Variants in THRB observed in about 807,000 individuals in gnomAD.
The protein encoded by THRB is thyroid hormone receptor beta.
In THRB, 12 loss-of-function variants were observed where a neutral mutation model predicts 47.8. That is an observed-to-expected ratio of 0.25 (90% CI 0.16 to 0.41). THRB has a LOEUF of 0.41. THRB is among the 10% of genes least tolerant of loss of function. The probability of loss-of-function intolerance (pLI) is 1.00; values close to 1 mark genes in which losing one functional copy is unlikely to be tolerated. For synonymous variants in THRB, 218 were observed against 212.2 expected (o/e 1.03, Z -0.24); for missense variants, 348 against 589.2 (o/e 0.59, Z 4.24).
chr3:24,173,886 C>T (rs141497169), intron 5 of THRB, among the ~76,000 whole-genome samples: 23 of 152,302 alleles, frequency 1.5e-4, no homozygotes, highest in African/African-American at 5.3e-4. Flanking sequence ...CTACCAAACC[C>T]CTTTCTGTGG....
At chr3:24,272,542 AC>A (rs1373079425) in intron 3 of THRB, among the ~76,000 whole-genome samples, 3 of 152,060 alleles carry the variant, frequency 2.0e-5, no homozygotes, top group Non-Finnish European at 4.4e-5. Context: ...TGTTCCCCTC[AC>A]TTAAAGGATA....
chr3:24,330,832 C>T (rs142195893), intron 2 of THRB, among the ~76,000 whole-genome samples: 2 of 152,246 alleles, frequency 1.3e-5, no homozygotes, highest in East Asian at 3.9e-4. Flanking sequence ...AATAAGAAAA[C>T]CAAGTTATAC....
chr3:24,351,361 TCA>T (rs1057363277), intron 1 of THRB, among the ~76,000 whole-genome samples: 23 of 152,246 alleles, frequency 1.5e-4, no homozygotes, highest in African/African-American at 5.3e-4. Context: ...GTTCTTGCCT[TCA>T]CATCCTAATC....
intron 4 of THRB, among the ~76,000 whole-genome samples, chr3:24,214,989 C>A (rs1412246728): frequency 6.6e-6 from 1 of 152,178 alleles, no homozygotes; most frequent in Non-Finnish European, 1.5e-5. Flanking sequence ...ACAATGGAAA[C>A]ATTTGAAACG....
intron 1 of THRB, among the ~76,000 whole-genome samples, chr3:24,467,807 T>C (rs1235511112): frequency 6.6e-6 from 1 of 152,174 alleles, no homozygotes; most frequent in Non-Finnish European, 1.5e-5. Flanking sequence ...CCCTCAGGTA[T>C]TCATAATGGC....
intron 3 of THRB, among the ~76,000 whole-genome samples, chr3:24,271,576 T>G (rs1027101966): frequency 3.3e-5 from 5 of 152,104 alleles, no homozygotes; most frequent in Non-Finnish European, 7.4e-5. Context: ...TGTTAGAGGT[T>G]CTCATTAGAA....
intron 1 of THRB, among the ~76,000 whole-genome samples, chr3:24,454,469 A>C (rs1016809732): frequency 6.6e-6 from 1 of 152,204 alleles, no homozygotes; most frequent in Non-Finnish European, 1.5e-5. Flanking sequence ...TATACTAAAA[A>C]TCACTCAATT....
intron 1 of THRB, among the ~76,000 whole-genome samples, chr3:24,443,001 G>T (rs2071700557): frequency 6.6e-6 from 1 of 151,870 alleles, no homozygotes; most frequent in Admixed American, 6.6e-5. Context: ...GCCAACAATG[G>T]TGAAACTCCG....
chr3:24,147,246 G>GA (rs1170968938), intron 6 of THRB, among the ~76,000 whole-genome samples: 7 of 151,940 alleles, frequency 4.6e-5, no homozygotes, highest in African/African-American at 1.7e-4. Flanking sequence ...AGAAGAAAGT[G>GA]AAAAAAATGA....
At chr3:24,478,340 A>G (rs12488078) in intron 1 of THRB, among the ~76,000 whole-genome samples, 7,379 of 152,298 alleles carry the variant, frequency 0.048, 261 homozygotes, top group South Asian at 0.09. Context: ...ACCCAAGCAT[A>G]CCTCTGGCAC....
At chr3:24,277,615 GT>G (rs1208904085) in intron 3 of THRB, among the ~76,000 whole-genome samples, 1 of 152,090 alleles carries the variant, frequency 6.6e-6, no homozygotes, top group African/African-American at 2.4e-5. Context: ...ATTTATGTGA[GT>G]TTTTTCATCT....
intron 1 of THRB, among the ~76,000 whole-genome samples, chr3:24,391,484 G>C (rs1053484325): frequency 6.6e-6 from 1 of 152,014 alleles, no homozygotes; most frequent in African/African-American, 2.4e-5. Flanking sequence ...TTTGAAACTA[G>C]AATCTTCATG....
At chr3:24,184,756 T>C (rs918746965) in intron 5 of THRB, among the ~76,000 whole-genome samples, 1 of 152,174 alleles carries the variant, frequency 6.6e-6, no homozygotes, top group Non-Finnish European at 1.5e-5. Flanking sequence ...CAGTTGGGAC[T>C]GCAGATCCTG....
At chr3:24,352,129 A>G (rs3951794) in intron 1 of THRB, among the ~76,000 whole-genome samples, 104,432 of 152,030 alleles carry the variant, frequency 0.69, 37,169 homozygotes, top group African/African-American at 0.87. Flanking sequence ...GTCAACAGAA[A>G]AGCTAGCAAA....
chr3:24,237,089 A>G (rs537705242), intron 3 of THRB, among the ~76,000 whole-genome samples: 35 of 152,314 alleles, frequency 2.3e-4, no homozygotes, highest in African/African-American at 8.4e-4. Flanking sequence ...CTAAAGAGGA[A>G]CATAAAACTC....
rs535285141 is a variant in THRB, at chr3:24,124,360, C to CCTAT, written c.1145-1239_1145-1236dup. Among the ~76,000 whole-genome samples, 42 of 152,264 alleles carry CCTAT rather than the reference C, an allele frequency of 2.8e-4. 1 individual carries two copies. The South Asian group carries it at 3.9e-3, about 14-fold the overall frequency. On this transcript the variant is annotated intron_variant, in intron 10 of 10. Transcript: ENST00000646209. ...GCTGGTTCTCCCTCTCTCCCTTTCCCCTATCTTCTCTCTTTCTTTGAGTGT... is the reference window on the plus strand; with the variant it reads ...GCTGGTTCTCCCTCTCTCCCTTTCCCCTATCTATCTTCTCTCTTTCTTTGAGTGT...
At chr3:24,132,139 G>A (rs1357193185) in intron 9 of THRB, among the ~76,000 whole-genome samples, 1 of 152,164 alleles carries the variant, frequency 6.6e-6, no homozygotes, top group Non-Finnish European at 1.5e-5. Context: ...CAAGGCAGCA[G>A]GAGTCATTCC....
intron 1 of THRB, among the ~76,000 whole-genome samples, chr3:24,403,439 C>T (rs1048081680): frequency 1.3e-5 from 2 of 151,818 alleles, no homozygotes; most frequent in African/African-American, 2.4e-5. Flanking sequence ...TCAATGTATC[C>T]GAGAAATTCT....
At position 24,331,520 on chromosome 3, in the gene THRB, G is replaced by A. The variant is rs150243187; in HGVS notation, c.-189+5780C>T. 2.9e-3 allele frequency among the ~76,000 whole-genome samples: 437 copies of A among 152,158 alleles called. 3 individuals carry two copies. Among genetic ancestry groups the A allele is most frequent in the African/African-American group, 0.01 (429 of 41,502 alleles). ...GCCTGTAATTTAGCCTCTTTTTCCA[G>A]GTGATTCTTAGGGATACCAAAGTGT... On this transcript the variant is annotated intron_variant, in intron 2 of 10. Coordinates refer to ENST00000646209, the MANE Select transcript of THRB (RefSeq NM_001354712.2).
Sources: gnomAD v4.1 joint callset for allele counts (sites outside exome capture counted in the v4.1 genomes callset) on GRCh38, gnomAD v4.1.1 for gene constraint, MANE v1.5 for transcripts, NCBI Gene and HGNC (gene_info 2026-07-23, HGNC 2026-07-21) for gene names.